The following DRC4 variants were observed in gnomAD, a reference collection of about 807,000 sequenced individuals.
DRC4 encodes GAS-11.
At chr16:90,037,601 C>T in the DRC4 span, among the ~76,000 whole-genome samples, 11 of 152,326 alleles carry the variant, frequency 7.2e-5, no homozygotes, top group East Asian at 3.9e-4. Context: ...ATCTTCACCA[C>T]GTGCTACCGG....
At chr16:90,043,416 C>T in the DRC4 span, 3 of 1,382,600 alleles carry the variant, frequency 2.2e-6, no homozygotes, top group South Asian at 3.9e-5. Context: ...CTTATCACAC[C>T]AAGGACAGCA....
the DRC4 span, among the ~76,000 whole-genome samples, chr16:90,034,767 G>A: frequency 0.52 from 77,949 of 151,318 alleles, 21,116 homozygotes; most frequent in East Asian, 0.81. Flanking sequence ...TCTGTCTCCC[G>A]GGCTGCAGTG....
the DRC4 span, chr16:90,044,485 C>T: frequency 5.1e-5 from 24 of 470,918 alleles, no homozygotes; most frequent in East Asian, 1.5e-3. Context: ...CCCCCTCCAG[C>T]CCACTGGGGC....
the DRC4 span, chr16:90,032,909 G>C: frequency 6.2e-7 from 1 of 1,613,602 alleles, no homozygotes; most frequent in African/African-American, 1.3e-5. Flanking sequence ...AGGTGGTGGT[G>C]AAGAACCTGC....
the DRC4 span, among the ~76,000 whole-genome samples, chr16:90,023,309 G>A: frequency 6.6e-6 from 1 of 152,226 alleles, no homozygotes; most frequent in African/African-American, 2.4e-5. Context: ...TGGAAAGCCT[G>A]GCAGGAGTCA....
At chr16:90,037,609 C>T in the DRC4 span, among the ~76,000 whole-genome samples, 9 of 152,148 alleles carry the variant, frequency 5.9e-5, no homozygotes, top group African/African-American at 4.8e-5. Flanking sequence ...CACGTGCTAC[C>T]GGCCGGCCTT....
the DRC4 span, among the ~76,000 whole-genome samples, chr16:90,023,550 C>T: frequency 6.6e-6 from 1 of 152,182 alleles, no homozygotes; most frequent in African/African-American, 2.4e-5. Context: ...CTGAACCTTC[C>T]TCCACTGCCT....
chr16:90,043,606 G>A, the DRC4 span: 126 of 606,940 alleles, frequency 2.1e-4, 1 homozygote, highest in African/African-American at 3.3e-4. Context: ...TCTCACCTCC[G>A]ACCACAGTCG....
chr16:90,039,198 A>T, the DRC4 span, among the ~76,000 whole-genome samples: 1 of 152,096 alleles, frequency 6.6e-6, no homozygotes, highest in African/African-American at 2.4e-5. Flanking sequence ...TGAGGTGGAC[A>T]TTATTGGGAA....
the DRC4 span, chr16:90,032,650 G>C: frequency 5.5e-6 from 8 of 1,453,096 alleles, no homozygotes; most frequent in Non-Finnish European, 5.8e-6. Context: ...GTGACCAGGT[G>C]TGCACAGGTA....
chr16:90,025,725 A>T, the DRC4 span, among the ~76,000 whole-genome samples: 3 of 150,966 alleles, frequency 2.0e-5, no homozygotes, highest in South Asian at 6.3e-4. Flanking sequence ...CTCTACTAAA[A>T]TACAAAAAAA....
chr16:90,042,330 A>G, the DRC4 span: 2 of 713,662 alleles, frequency 2.8e-6, no homozygotes, highest in Non-Finnish European at 2.5e-6. Flanking sequence ...TCTGCTGACA[A>G]CCCTGTGTGG....
chr16:90,037,602 G>A, the DRC4 span, among the ~76,000 whole-genome samples: 3 of 152,278 alleles, frequency 2.0e-5, no homozygotes, highest in Non-Finnish European at 4.4e-5. Flanking sequence ...TCTTCACCAC[G>A]TGCTACCGGC....
the DRC4 span, chr16:90,044,506 A>G: frequency 4.2e-6 from 2 of 471,036 alleles, no homozygotes; most frequent in Non-Finnish European, 8.8e-6. Context: ...TCTCACCTCC[A>G]CATGTGGGTA....
chr16:90,036,341 G>A, the DRC4 span: 23 of 1,545,306 alleles, frequency 1.5e-5, no homozygotes, highest in Admixed American at 5.4e-5. Flanking sequence ...GGGGCACCAC[G>A]TCTTCCTCTG....
chr16:90,043,050 G>A, the DRC4 span: 1 of 899,300 alleles, frequency 1.1e-6, no homozygotes, highest in South Asian at 1.8e-5. Flanking sequence ...TTGGAGCTGT[G>A]TCCCACACGG....
the DRC4 span, chr16:90,044,270 G>GC: frequency 5.2e-3 from 2,326 of 444,434 alleles, 45 homozygotes; most frequent in African/African-American, 0.042. Context: ...CCTTGGCCCA[G>GC]CCTCCCCACA....
the DRC4 span, chr16:90,044,110 G>A: frequency 2.2e-5 from 10 of 449,454 alleles, no homozygotes; most frequent in Non-Finnish European, 3.6e-5. Context: ...TGAACCTTCC[G>A]CACCAGAGGG....
At chr16:90,032,567 G>T in the DRC4 span, 2 of 682,958 alleles carry the variant, frequency 2.9e-6, no homozygotes, top group East Asian at 5.4e-5. Context: ...GGACAGGTAA[G>T]GAGGTGTGGT....
Sources: allele counts gnomAD v4.1 joint callset (sites outside exome capture counted in the v4.1 genomes callset), GRCh38; gene constraint gnomAD v4.1.1; transcripts MANE v1.5; gene names NCBI Gene and HGNC (gene_info 2026-07-23, HGNC 2026-07-21).